ZNF462: variants seen among roughly 807,000 people sequenced by gnomAD.
The protein encoded by ZNF462 is zinc finger PBX1-interacting protein.
Under a neutral mutation model 201.9 loss-of-function variants are expected in ZNF462, and 10 were observed. The observed-to-expected ratio is 0.05, with a 90% CI of 0.03 to 0.08. The LOEUF is 0.08. Ranked by LOEUF, ZNF462 falls within the 10% of genes least tolerant of loss-of-function variation. The pLI, the probability that ZNF462 is intolerant of heterozygous loss-of-function variation, is 1.00. For missense variants in ZNF462, 2,523 were observed against 3,168.3 expected (o/e 0.80, Z 4.89); for synonymous variants, 1,227 against 1,193.3 (o/e 1.03, Z -0.58).
intron 7 of ZNF462, among the ~76,000 whole-genome samples, chr9:106,960,512 A>C (rs1831784658): frequency 6.6e-6 from 1 of 152,108 alleles, no homozygotes; most frequent in South Asian, 2.1e-4. Flanking sequence ...AGTGTGGTAA[A>C]GACATCTATA....
intron 9 of ZNF462, among the ~76,000 whole-genome samples, chr9:106,982,597 T>C (rs1827525409): frequency 1.3e-5 from 2 of 152,212 alleles, no homozygotes; most frequent in African/African-American, 4.8e-5. Flanking sequence ...TTCTTAGCTG[T>C]CTGCTATACT....
chr9:106,889,416 G>T (rs1320395371), intron 1 of ZNF462, among the ~76,000 whole-genome samples: 3 of 152,188 alleles, frequency 2.0e-5, no homozygotes, highest in South Asian at 2.1e-4. Context: ...ATGGGATGTG[G>T]TATAGGTACG....
At chr9:106,998,229 A>C (rs1828888614) in intron 10 of ZNF462, among the ~76,000 whole-genome samples, 1 of 152,138 alleles carries the variant, frequency 6.6e-6, no homozygotes, top group South Asian at 2.1e-4. Flanking sequence ...TAGAGTTAAA[A>C]ATTCTGGAAA....
At chr9:106,980,957 T>G (rs1348993368) in intron 9 of ZNF462, among the ~76,000 whole-genome samples, 1 of 152,224 alleles carries the variant, frequency 6.6e-6, no homozygotes, top group Non-Finnish European at 1.5e-5. Context: ...AGTTTTTAAC[T>G]TTTATGTCTT....
intron 5 of ZNF462, among the ~76,000 whole-genome samples, chr9:106,934,583 T>C (rs937759561): frequency 2.6e-5 from 4 of 152,156 alleles, no homozygotes; most frequent in African/African-American, 9.7e-5. Context: ...ACAGGTTGAG[T>C]TAAAGAGAAC....
chr9:106,929,903 C>T lies in ZNF462; in HGVS notation c.5847+144C>T, dbSNP rs768952357. 8.2e-6 allele frequency: 6 copies of T among 728,810 alleles called. No individual in the cohort carries two copies. The highest frequency in any genetic ancestry group is 1.9e-5 in the South Asian group (1 of 53,268). The allele number at this position is 728,810 out of a possible 1,614,324, so 45.1% of individuals were successfully genotyped here. On this transcript the variant is annotated intron_variant, in intron 3 of 12. Coordinates refer to ENST00000277225, the MANE Select transcript of ZNF462 (RefSeq NM_021224.6). This position sits in a 1 kb window ranked among gnomAD's most constrained non-coding sequence, Gnocchi z 8.7. ...AGCTCAATAAGTCAATTAAACATTT[C>T]GAGCTTGATTATCTCCCATTCTGTG...
chr9:106,864,039 G>GCT (rs773917122), intron 1 of ZNF462, among the ~76,000 whole-genome samples: 19 of 22,752 alleles, frequency 8.4e-4, no homozygotes, highest in East Asian at 2.5e-3. Context: ...CAGGTATTTG[G>GCT]CTCTCTCTCT....
At chr9:106,862,305 G>T (rs1040876289), upstream of ZNF462, among the ~76,000 whole-genome samples, 4 of 152,158 alleles carry the variant, frequency 2.6e-5, no homozygotes, top group Non-Finnish European at 1.5e-5. This position sits in a 1 kb window ranked among gnomAD's most constrained non-coding sequence, Gnocchi z 4.2. Context: ...CTAGATGGAT[G>T]CAAGTAAGGG....
chr9:106,907,840 A>G (rs1408493066), intron 1 of ZNF462, among the ~76,000 whole-genome samples: 1 of 152,000 alleles, frequency 6.6e-6, no homozygotes, highest in Non-Finnish European at 1.5e-5. Context: ...CTTGCTTTAT[A>G]ATTTTCATAG....
At chr9:106,881,379 T>C (rs910234821) in intron 1 of ZNF462, among the ~76,000 whole-genome samples, 4 of 150,406 alleles carry the variant, frequency 2.7e-5, no homozygotes, top group Admixed American at 2.6e-4. Context: ...GGAAAGATCG[T>C]AGACCTCAGA....
Position 106,886,734 on chromosome 9 carries a change from A to G in ZNF462, c.-31+23379A>G, listed in dbSNP as rs541032163. On this transcript the variant is annotated intron_variant, in intron 1 of 12. Coordinates refer to ENST00000277225, the MANE Select transcript of ZNF462 (RefSeq NM_021224.6). The surrounding 1 kb of genome is among the most constrained non-coding windows in gnomAD (Gnocchi z 4.6). ...TTAAGGAAGCCTGAAATGGAATATC[A>G]GTTTTCTGCCCTGGTGATCCATGCT... 2.0e-5 allele frequency among the ~76,000 whole-genome samples: 3 copies of G among 152,310 alleles called. No individual in the cohort carries two copies. The East Asian group carries it at 5.8e-4, about 29-fold the overall frequency.
Position 106,883,005 on chromosome 9 carries a change from A to G in ZNF462, c.-31+19650A>G, listed in dbSNP as rs1467247652. Among the ~76,000 whole-genome samples, 1 of 152,250 alleles carries G rather than the reference A, an allele frequency of 6.6e-6. No individual in the cohort carries two copies. Among genetic ancestry groups the G allele is most frequent in the Admixed American group, 6.5e-5 (1 of 15,290 alleles). ...TCATGTTCTTTGAAGATGGTCAAGC[A>G]GATTCAGAAAACATCCTTCTTCACC... On this transcript the variant is annotated intron_variant, in intron 1 of 12. Transcript: ENST00000277225. This position sits in a 1 kb window ranked among gnomAD's most constrained non-coding sequence, Gnocchi z 4.9.
intron 1 of ZNF462, among the ~76,000 whole-genome samples, chr9:106,864,211 G>C (rs1827223858): frequency 6.6e-6 from 1 of 151,654 alleles, no homozygotes; most frequent in Admixed American, 6.6e-5. Flanking sequence ...CGAGGAGCGG[G>C]GGGCACCGGC....
intron 7 of ZNF462, among the ~76,000 whole-genome samples, chr9:106,946,814 AAAAAT>A (rs770753627): frequency 2.3e-4 from 35 of 152,070 alleles, no homozygotes; most frequent in African/African-American, 7.2e-4. Context: ...ACAAAAATAT[AAAAAT>A]AAAATAAAAT....
At chr9:106,951,672 C>T (rs59731684) in intron 7 of ZNF462, among the ~76,000 whole-genome samples, 107 of 152,182 alleles carry the variant, frequency 7.0e-4, no homozygotes, top group African/African-American at 2.2e-3. Context: ...CTTCCTGTAT[C>T]CAAAAGGGGA....
In ZNF462 at chr9:106,926,816, A is replaced by C; in HGVS notation, c.2904A>C (p.Glu968Asp). The change falls in exon 3 of 13, where the codon GAA becomes GAC. Residue 968 changes from glutamate to aspartate, a missense_variant. Transcript: ENST00000277225. The surrounding 1 kb of genome is among the most constrained non-coding windows in gnomAD (Gnocchi z 7.9). ...IFSSYVVEQQ[E>D]GLNTESQTLR... The stretch of plus-strand genomic sequence containing the variant: ...CAAGCTATGTCGTGGAGCAGCAGGA[A>C]GGGCTGAATACAGAATCCCAGACCC... 1 of 1,614,218 alleles carries C rather than the reference A, an allele frequency of 6.2e-7. No individual in the cohort carries two copies. The highest frequency in any genetic ancestry group is 1.1e-5 in the South Asian group (1 of 91,078).
At chr9:106,915,641 G>A (rs1476498719) in intron 1 of ZNF462, among the ~76,000 whole-genome samples, 1 of 152,194 alleles carries the variant, frequency 6.6e-6, no homozygotes, top group Non-Finnish European at 1.5e-5. Flanking sequence ...AGTTTGATAA[G>A]AGAGAAGGAC....
Position 106,926,510 on chromosome 9 carries a change from C to A in ZNF462, c.2598C>A (p.His866Gln). ...RSVSTHYQRM[H>Q]PYIKFSFRYI... ...TTAGCACCCACTACCAACGAATGCA[C>A]CCATACATTAAATTCAGCTTTAGGT... The change falls in exon 3 of 13, where the codon CAC (histidine) becomes CAA (glutamine). Residue 866 changes from histidine to glutamine, a missense_variant. By Grantham distance (24) the His-to-Gln change is conservative. Coordinates refer to ENST00000277225, the MANE Select transcript of ZNF462 (RefSeq NM_021224.6). This position sits in a 1 kb window ranked among gnomAD's most constrained non-coding sequence, Gnocchi z 7.9. The A allele has an allele frequency of 6.2e-7, 1 of 1,614,118 alleles. No individual in the cohort carries two copies.
At chr9:106,867,306 C>G (rs1440417883) in intron 1 of ZNF462, among the ~76,000 whole-genome samples, 1 of 152,052 alleles carries the variant, frequency 6.6e-6, no homozygotes, top group Non-Finnish European at 1.5e-5. Flanking sequence ...CATTTAATGT[C>G]AAAGCTCAAA....
Sources: allele counts gnomAD v4.1 joint callset (sites outside exome capture counted in the v4.1 genomes callset), GRCh38; gene constraint gnomAD v4.1.1; non-coding constraint Gnocchi (gnomAD v3.1); transcripts MANE v1.5; gene names NCBI Gene and HGNC (gene_info 2026-07-23, HGNC 2026-07-21).